Variants in GPR6 observed in about 807,000 individuals in gnomAD.
GPR6 encodes sphingosine 1-phosphate receptor GPR6.
Under a neutral mutation model 18.5 loss-of-function variants are expected in GPR6, and 14 were observed. The observed-to-expected ratio is 0.76, with a 90% CI of 0.50 to 1.18. The LOEUF (loss-of-function observed/expected upper bound fraction) is 1.18, where lower values mean the gene tolerates loss of function less well. GPR6 is among the 50% of genes most tolerant of loss of function. The probability of loss-of-function intolerance (pLI) is 0.00; values close to 1 mark genes in which losing one functional copy is unlikely to be tolerated. For missense variants in GPR6, 477 were observed against 495.9 expected, an observed-to-expected ratio of 0.96 and a Z score of 0.36; for synonymous variants, 299 against 240.9, an observed-to-expected ratio of 1.24 and a Z score of -2.23.
chr6:109,979,409 C>G lies in GPR6; in HGVS notation c.297C>G (p.Ser99=). Reference sequence around the variant, plus strand: ...CGCTGGTGGTGGCGCTCATCGCGTCCACTCCGGCGCTGCGCACGCCCATGT... The same window carrying G: ...CGCTGGTGGTGGCGCTCATCGCGTCGACTCCGGCGCTGCGCACGCCCATGT... The part of the protein sequence containing the change: ...ENALVVALIA[S]TPALRTPMFV... The change falls in exon 2 of 2, where the codon TCC becomes TCG. Residue 99 remains serine, a synonymous_variant. Transcript: ENST00000275169. 6.2e-7 allele frequency: 1 copy of G among 1,613,552 alleles called. No homozygotes were observed. Among genetic ancestry groups the G allele is most frequent in the Non-Finnish European group, 8.5e-7 (1 of 1,179,998 alleles).
At position 109,980,115 on chromosome 6, in the gene GPR6, G is replaced by C; in HGVS notation, c.1003G>C (p.Glu335Gln). Reference sequence around the variant, plus strand: ...CATCATCTATGCCTTCCGCAACCAGGAGATCCAGCGCGCCCTGTGGCTCCT... The same window carrying C: ...CATCATCTATGCCTTCCGCAACCAGCAGATCCAGCGCGCCCTGTGGCTCCT... ...NPIIYAFRNQEIQRALWLLLC... is the reference protein window; with the variant it reads ...NPIIYAFRNQQIQRALWLLLC... The change falls in exon 2 of 2, where the codon GAG becomes CAG. Residue 335 changes from glutamate (E) to glutamine (Q), a missense_variant. Glu to Gln is a conservative substitution (Grantham distance 29). Coordinates refer to ENST00000275169, the MANE Select transcript of GPR6 (RefSeq NM_005284.5). The C allele has an allele frequency of 6.2e-7, 1 of 1,614,220 alleles. No individual in the cohort carries two copies. Among genetic ancestry groups the C allele is most frequent in the Non-Finnish European group, 8.5e-7 (1 of 1,180,044 alleles).
rs568443421 is a variant in GPR6 at position 109,980,331 on chromosome 6, A to G, written c.*130A>G. 138 of 1,326,096 alleles carry G rather than the reference A, an allele frequency of 1.0e-4. No homozygotes were observed. Among genetic ancestry groups the G allele is most frequent in the Middle Eastern group, 2.2e-4 (1 of 4,566 alleles). 82.1% of individuals were successfully genotyped at this position (1,326,096 alleles called of 1,614,324 possible). A position where few individuals can be genotyped will look rare whatever the true frequency, so the allele number is the denominator to read the frequency against. Reference sequence around the variant, plus strand: ...GACTTTGGAAAGAAAAAGGGACTAAAGAGAAATGTAACAAACTTACAAGGA... The same window carrying G: ...GACTTTGGAAAGAAAAAGGGACTAAGGAGAAATGTAACAAACTTACAAGGA... On this transcript the variant is annotated 3_prime_UTR_variant, in exon 2 of 2. Transcript: ENST00000275169.
chr6:109,979,755 G>A lies in GPR6; in HGVS notation c.643G>A (p.Ala215Thr), dbSNP rs1004146420. 24 of 1,599,858 alleles carry A rather than the reference G, an allele frequency of 1.5e-5. No individual in the cohort carries two copies. Among genetic ancestry groups the A allele is most frequent in the East Asian group, 2.2e-5 (1 of 44,634 alleles). The change falls in exon 2 of 2, where the codon GCC becomes ACC. Residue 215 changes from alanine to threonine, a missense_variant. Physicochemically the swap from Ala to Thr is moderately conservative, Grantham distance 58. Transcript: ENST00000275169. ...CTGGAACTGCCTGGCAGAGCGCGCC[G>A]CCTGCAGCGTGGTGCGCCCGCTGGC... ...LGWNCLAERAACSVVRPLARS... is the reference protein window; with the variant it reads ...LGWNCLAERATCSVVRPLARS...
rs756140835 is a variant in GPR6, at chr6:109,979,764, G to C, written c.652G>C (p.Val218Leu). Residue 218 changes from valine (V) to leucine (L), a missense_variant, in exon 2 of 2, where the codon GTG becomes CTG. By Grantham distance (32) the Val-to-Leu change is conservative (BLOSUM62 1). Coordinates refer to ENST00000275169, the MANE Select transcript of GPR6 (RefSeq NM_005284.5). ...NCLAERAACSVVRPLARSHVA... is the reference protein window; with the variant it reads ...NCLAERAACSLVRPLARSHVA... ...CCTGGCAGAGCGCGCCGCCTGCAGC[G>C]TGGTGCGCCCGCTGGCGCGCAGCCA... The C allele has an allele frequency of 6.3e-7, 1 of 1,599,476 alleles. No homozygotes were observed. The highest frequency in any genetic ancestry group is 1.7e-5 in the Admixed American group (1 of 59,078).
rs539297240 is a variant in GPR6 at position 109,980,512 on chromosome 6, G to A, written c.*311G>A. The A allele has an allele frequency of 6.1e-4, 228 of 375,196 alleles. No individual in the cohort carries two copies. Among genetic ancestry groups the A allele is most frequent in the Non-Finnish European group, 1.0e-3 (201 of 200,876 alleles). The allele number at this position is 375,196 out of a possible 1,614,324, so 23.2% of individuals were successfully genotyped here. On this transcript the variant is annotated 3_prime_UTR_variant, in exon 2 of 2. Transcript: ENST00000275169. ...GTTGTATACTCAAATTGTACATCAC[G>A]TTTGTCAAACGAAGACATTCCAATA...
intron 1 of GPR6, chr6:109,978,734 G>A: frequency 1.3e-6 from 2 of 1,535,516 alleles, no homozygotes; most frequent in Non-Finnish European, 8.7e-7. Flanking sequence ...CCATGGGGAT[G>A]TCCTGGTCGC....
rs961586515 is a variant in GPR6, at chr6:109,979,391, G to T, written c.279G>T (p.Val93=). 1.2e-6 allele frequency: 2 copies of T among 1,613,594 alleles called. No homozygotes were observed. Among genetic ancestry groups the T allele is most frequent in the Non-Finnish European group, 1.7e-6 (2 of 1,179,992 alleles). Residue 93 remains valine (V), a synonymous_variant, in exon 2 of 2, where the codon GTG becomes GTT. Transcript: ENST00000275169. Reference sequence around the variant, plus strand: ...TGATCGCTGGAGAAAACGCGCTGGTGGTGGCGCTCATCGCGTCCACTCCGG... The same window carrying T: ...TGATCGCTGGAGAAAACGCGCTGGTTGTGGCGCTCATCGCGTCCACTCCGG... ...GTVIAGENAL[V]VALIASTPAL...
Position 109,980,411 on chromosome 6 carries a change from T to A in GPR6, c.*210T>A. The A allele has an allele frequency of 1.6e-6, 1 of 624,230 alleles. No individual in the cohort carries two copies. Among genetic ancestry groups the A allele is most frequent in the Non-Finnish European group, 2.8e-6 (1 of 362,756 alleles). The allele number at this position is 624,230 out of a possible 1,614,324, so 38.7% of individuals were successfully genotyped here. A position where few individuals can be genotyped will look rare whatever the true frequency, so the allele number is the denominator to read the frequency against. The stretch of plus-strand genomic sequence containing the variant: ...CAGTGTATACATGTGTACATATATA[T>A]ACAAATATTTGTATCTTCTGGAGGT... On this transcript the variant is annotated 3_prime_UTR_variant, in exon 2 of 2. Coordinates refer to ENST00000275169, the MANE Select transcript of GPR6 (RefSeq NM_005284.5).
In GPR6 at chr6:109,979,227, C is replaced by G. The variant is rs1245109455; in HGVS notation, c.115C>G (p.Pro39Ala). 6.2e-7 allele frequency: 1 copy of G among 1,604,794 alleles called. No individual in the cohort carries two copies. The highest frequency in any genetic ancestry group is 8.5e-7 in the Non-Finnish European group (1 of 1,178,608). ...GGPDTGEWGP[P>A]AAAALGAGGG... is the part of the protein sequence containing the mutation. ...GCCGGACACGGGCGAATGGGGACCC[C>G]CTGCTGCGGCGGCTCTAGGAGCCGG... The change falls in exon 2 of 2, where the codon CCT becomes GCT. Residue 39 changes from proline (P) to alanine (A), a missense_variant. Transcript: ENST00000275169.
In GPR6 at chr6:109,979,948, G is replaced by C. The variant is rs1371729255; in HGVS notation, c.836G>C (p.Gly279Ala). Residue 279 changes from glycine to alanine, a missense_variant, in exon 2 of 2, where the codon GGT becomes GCT. Gly to Ala is a moderately conservative substitution (Grantham distance 60). Coordinates refer to ENST00000275169, the MANE Select transcript of GPR6 (RefSeq NM_005284.5). ...CTCGCTGCCACCAGAAAGGGTGTGG[G>C]TACACTGGCTGTGGTGCTGGGCACT... ...PHLAATRKGV[G>A]TLAVVLGTFG... 1 of 1,613,010 alleles carries C rather than the reference G, an allele frequency of 6.2e-7. No homozygotes were observed. The highest frequency in any genetic ancestry group is 1.7e-5 in the Admixed American group (1 of 60,032).
chr6:109,979,614 C>T lies in GPR6; in HGVS notation c.502C>T (p.Leu168=), dbSNP rs763588088. The change falls in exon 2 of 2, where the codon CTG becomes TTG. Residue 168 remains leucine, a synonymous_variant. Transcript: ENST00000275169. ...GCTGGCCATTACGGTGGACCGCTAC[C>T]TGTCCCTGTATAACGCGCTCACCTA... ...SLLAITVDRY[L]SLYNALTYYS... 3.1e-6 allele frequency: 5 copies of T among 1,612,788 alleles called. No homozygotes were observed. Among genetic ancestry groups the T allele is most frequent in the Non-Finnish European group, 3.4e-6 (4 of 1,180,014 alleles).
chr6:109,979,916 AC>A lies in GPR6; in HGVS notation c.808del (p.His270IlefsTer54), dbSNP rs754139626. ...IALQQHCLAP[P>X]HLAATRKGVG... ...CGCTGCAGCAGCACTGCCTGGCGCC[AC>A]CCCATCTCGCTGCCACCAGAAAGGG... On this transcript the variant is annotated frameshift_variant, in exon 2 of 2. Coordinates refer to ENST00000275169, the MANE Select transcript of GPR6 (RefSeq NM_005284.5). LOFTEE classifies it high-confidence loss of function. 1 of 1,612,284 alleles carries A rather than the reference AC, an allele frequency of 6.2e-7. No individual in the cohort carries two copies. Among genetic ancestry groups the A allele is most frequent in the South Asian group, 1.1e-5 (1 of 91,072 alleles).
Position 109,979,831 on chromosome 6 carries a change from T to G in GPR6, c.719T>G (p.Ile240Ser). 6.2e-7 allele frequency: 1 copy of G among 1,606,498 alleles called. No individual in the cohort carries two copies. Among genetic ancestry groups the G allele is most frequent in the Non-Finnish European group, 8.5e-7 (1 of 1,179,500 alleles). Residue 240 changes from isoleucine (I) to serine (S), a missense_variant, in exon 2 of 2, where the codon ATC becomes AGC. Physicochemically the swap from Ile to Ser is moderately radical, Grantham distance 142 (BLOSUM62 -2). Coordinates refer to ENST00000275169, the MANE Select transcript of GPR6 (RefSeq NM_005284.5). Reference sequence around the variant, plus strand: ...GCCGCCTTCTTCATGGTCTTCGGCATCATGCTGCACCTGTACGTGCGCATC... The same window carrying G: ...GCCGCCTTCTTCATGGTCTTCGGCAGCATGCTGCACCTGTACGTGCGCATC... ...LSAAFFMVFGIMLHLYVRICQ... is the reference protein window; with the variant it reads ...LSAAFFMVFGSMLHLYVRICQ...
intron 1 of GPR6, 21 bp from the exon 2 acceptor site, chr6:109,979,074 C>T (rs773858542): frequency 6.5e-7 from 1 of 1,544,902 alleles, no homozygotes; most frequent in Non-Finnish European, 8.6e-7. Flanking sequence ...CACCTGACGC[C>T]TGCACTCCCT....
Position 109,979,151 on chromosome 6 carries a change from G to A in GPR6, c.39G>A (p.Val13=), listed in dbSNP as rs1447916546. The A allele has an allele frequency of 6.2e-7, 1 of 1,601,794 alleles. No homozygotes were observed. Residue 13 remains valine, a synonymous_variant, in exon 2 of 2, where the codon GTG becomes GTA. Coordinates refer to ENST00000275169, the MANE Select transcript of GPR6 (RefSeq NM_005284.5). The part of the protein sequence containing the change: ...ASAASLNDSQ[V]VVVAAEGAAA... ...CCGCCTCGCTCAACGACTCCCAGGTGGTGGTAGTGGCGGCCGAAGGAGCGG... is the reference window on the plus strand; with the variant it reads ...CCGCCTCGCTCAACGACTCCCAGGTAGTGGTAGTGGCGGCCGAAGGAGCGG...
In GPR6 at chr6:109,980,696, G is replaced by A. The variant is rs1286205503; in HGVS notation, c.*495G>A. 5.8e-6 allele frequency: 1 copy of A among 173,468 alleles called. No individual in the cohort carries two copies. The highest frequency in any genetic ancestry group is 6.4e-5 in the Admixed American group (1 of 15,674). The allele number at this position is 173,468 out of a possible 1,614,324, so 10.7% of individuals were successfully genotyped here. A position where few individuals can be genotyped will look rare whatever the true frequency, so the allele number is the denominator to read the frequency against. ...ACAAATTACAACATGTTTTGTACAC[G>A]AATAAACCCATTACAAGAATGTAAT... On this transcript the variant is annotated 3_prime_UTR_variant, in exon 2 of 2. Transcript: ENST00000275169.
rs1771052129 is a variant in GPR6, at chr6:109,980,094, A to G, written c.982A>G (p.Ile328Val). The G allele has an allele frequency of 2.5e-6, 4 of 1,614,080 alleles. No individual in the cohort carries two copies. The highest frequency in any genetic ancestry group is 3.4e-6 in the Non-Finnish European group (4 of 1,180,044). ...CTACAACTCCATGATCAATCCCATC[A>G]TCTATGCCTTCCGCAACCAGGAGAT... ...ATYNSMINPI[I>V]YAFRNQEIQR... Residue 328 changes from isoleucine (I) to valine (V), a missense_variant, in exon 2 of 2, where the codon ATC becomes GTC. Coordinates refer to ENST00000275169, the MANE Select transcript of GPR6 (RefSeq NM_005284.5).
rs1009984766 is a variant in GPR6, at chr6:109,980,453, T to C, written c.*252T>C. On this transcript the variant is annotated 3_prime_UTR_variant, in exon 2 of 2. Coordinates refer to ENST00000275169, the MANE Select transcript of GPR6 (RefSeq NM_005284.5). ...TCTGGAGGTGTTCAGGATGTGGAGC[T>C]TCCTATTCTGTGAAAAACCAAGAAA... 1.8e-6 allele frequency: 1 copy of C among 547,200 alleles called. No homozygotes were observed. The highest frequency in any genetic ancestry group is 1.9e-5 in the African/African-American group (1 of 51,324). The allele number at this position is 547,200 out of a possible 1,614,324, so 33.9% of individuals were successfully genotyped here.
Position 109,979,430 on chromosome 6 carries a change from C to T in GPR6, c.318C>T (p.Pro106=), listed in dbSNP as rs149728484. The T allele has an allele frequency of 2.5e-6, 4 of 1,613,290 alleles. No individual in the cohort carries two copies. Among genetic ancestry groups the T allele is most frequent in the Non-Finnish European group, 3.4e-6 (4 of 1,180,020 alleles). Reference sequence around the variant, plus strand: ...CGTCCACTCCGGCGCTGCGCACGCCCATGTTCGTGCTGGTAGGCAGCCTGG... The same window carrying T: ...CGTCCACTCCGGCGCTGCGCACGCCTATGTTCGTGCTGGTAGGCAGCCTGG... ...LIASTPALRT[P]MFVLVGSLAT... is the part of the protein sequence containing the mutation. Residue 106 remains proline, a synonymous_variant, in exon 2 of 2, where the codon CCC becomes CCT. Coordinates refer to ENST00000275169, the MANE Select transcript of GPR6 (RefSeq NM_005284.5).
Sources: allele counts gnomAD v4.1 joint callset, GRCh38; gene constraint gnomAD v4.1.1; transcripts MANE v1.5; gene names NCBI Gene and HGNC (gene_info 2026-07-23, HGNC 2026-07-21).